IFT70B: variants seen among roughly 807,000 people sequenced by gnomAD.
The protein encoded by IFT70B is intraflagellar transport protein 70B.
the IFT70B span, chr2:177,550,894 T>G: frequency 6.2e-7 from 1 of 1,614,170 alleles, no homozygotes; most frequent in African/African-American, 1.3e-5. Context: ...GGTATGTTTC[T>G]GCCATGAAGT....
At chr2:177,551,851 C>T in the IFT70B span, 1 of 1,614,224 alleles carries the variant, frequency 6.2e-7, no homozygotes, top group East Asian at 2.2e-5. Context: ...TTTTCAAACC[C>T]TTCTGTAGGC....
the IFT70B span, chr2:177,552,126 T>C: frequency 1.2e-6 from 2 of 1,614,188 alleles, no homozygotes; most frequent in Non-Finnish European, 1.7e-6. Flanking sequence ...CTCAATAATC[T>C]CAGCGATATG....
At chr2:177,552,312 T>A in the IFT70B span, 1 of 1,614,222 alleles carries the variant, frequency 6.2e-7, no homozygotes, top group Non-Finnish European at 8.5e-7. Context: ...GGTCTCATTC[T>A]CGCCCCCACT....
At chr2:177,552,311 C>G in the IFT70B span, 27 of 1,614,136 alleles carry the variant, frequency 1.7e-5, no homozygotes, top group East Asian at 2.2e-5. Flanking sequence ...CGGTCTCATT[C>G]TCGCCCCCAC....
the IFT70B span, chr2:177,552,496 A>ATAGGG: frequency 6.2e-7 from 1 of 1,609,270 alleles, no homozygotes; most frequent in African/African-American, 1.3e-5. Context: ...CAGGCCTTGT[A>ATAGGG]CAGGGCCTGG....
chr2:177,552,313 C>T, the IFT70B span: 1 of 1,614,232 alleles, frequency 6.2e-7, no homozygotes, highest in Non-Finnish European at 8.5e-7. Flanking sequence ...GTCTCATTCT[C>T]GCCCCCACTT....
the IFT70B span, chr2:177,552,696 C>A: frequency 5.1e-5 from 82 of 1,598,148 alleles, 1 homozygote; most frequent in Non-Finnish European, 6.8e-5. Context: ...GCGTGCATTG[C>A]GGATGAGGCG....
At chr2:177,552,449 G>A in the IFT70B span, 1 of 1,612,972 alleles carries the variant, frequency 6.2e-7, no homozygotes, top group Non-Finnish European at 8.5e-7. Context: ...GGTTATCCAG[G>A]AGAAGGAAGG....
chr2:177,552,515 C>G, the IFT70B span: 1 of 1,602,790 alleles, frequency 6.2e-7, no homozygotes, highest in African/African-American at 1.3e-5. Context: ...GGGCCTGGTA[C>G]AGGCGGTACT....
At chr2:177,551,162 A>C in the IFT70B span, 1 of 1,614,088 alleles carries the variant, frequency 6.2e-7, no homozygotes, top group Non-Finnish European at 8.5e-7. Context: ...TATCTGGGTC[A>C]TCATAAGAGA....
chr2:177,551,575 C>T, the IFT70B span: 10 of 1,614,044 alleles, frequency 6.2e-6, no homozygotes, highest in African/African-American at 1.3e-5. Flanking sequence ...GCTTCCTGTA[C>T]TTGTATGGTA....
the IFT70B span, chr2:177,551,747 T>C: frequency 1.2e-6 from 2 of 1,614,228 alleles, no homozygotes; most frequent in African/African-American, 1.3e-5. Flanking sequence ...GGACATCTGC[T>C]GCCAGGTCAA....
At chr2:177,552,748 C>T in the IFT70B span, 13 of 1,572,336 alleles carry the variant, frequency 8.3e-6, no homozygotes, top group South Asian at 1.2e-5. Flanking sequence ...ATCTGCGCGC[C>T]GCTCAGGCCA....
chr2:177,551,683 A>C, the IFT70B span: 1 of 1,614,206 alleles, frequency 6.2e-7, no homozygotes, highest in Non-Finnish European at 8.5e-7. Context: ...GCGTCCAAGA[A>C]GTCATAGAGA....
the IFT70B span, chr2:177,551,621 C>G: frequency 6.2e-7 from 1 of 1,614,192 alleles, no homozygotes; most frequent in Non-Finnish European, 8.5e-7. Context: ...TCCCTGCTAG[C>G]CCATCAAGCT....
At chr2:177,552,319 C>G in the IFT70B span, 1 of 1,614,240 alleles carries the variant, frequency 6.2e-7, no homozygotes, top group East Asian at 2.2e-5. Context: ...TTCTCGCCCC[C>G]ACTTTCCTCT....
the IFT70B span, chr2:177,552,685 A>T: frequency 6.3e-7 from 1 of 1,598,602 alleles, no homozygotes; most frequent in Admixed American, 1.7e-5. Context: ...GCCTCGGCGT[A>T]GCGTGCATTG....
At chr2:177,550,101 T>C in the IFT70B span, 1 of 152,216 alleles carries the variant, frequency 6.6e-6, no homozygotes. Context: ...TAACAGTGTA[T>C]CTTGTTCATA....
the IFT70B span, chr2:177,551,396 G>A: frequency 6.2e-7 from 1 of 1,614,290 alleles, no homozygotes; most frequent in African/African-American, 1.3e-5. Flanking sequence ...ACACATCATG[G>A]TCGTTACAGA....
Sources: allele counts gnomAD v4.1 joint callset, GRCh38; gene constraint gnomAD v4.1.1; transcripts MANE v1.5; gene names NCBI Gene and HGNC (gene_info 2026-07-23, HGNC 2026-07-21).